Variants in TENM2 observed in about 807,000 individuals in gnomAD.
TENM2 encodes the protein teneurin-2.
Under a neutral mutation model 245.2 loss-of-function variants are expected in TENM2, and 52 were observed. That is an observed-to-expected ratio of 0.21 (90% CI 0.17 to 0.27). The LOEUF (loss-of-function observed/expected upper bound fraction) is 0.27, where lower values mean the gene tolerates loss of function less well. Among genes scored for constraint, TENM2 ranks in the 10% least tolerant of loss-of-function variants. TENM2 has a pLI of 1.00. For synonymous variants in TENM2, 1,363 were observed against 1,438.9 expected (o/e 0.95, Z 1.19); for missense variants, 3,046 against 3,666.8 (o/e 0.83, Z 4.37).
chr5:167,157,930 A>C, the TENM2 span, among the ~76,000 whole-genome samples: 2 of 152,214 alleles, frequency 1.3e-5, no homozygotes, highest in Non-Finnish European at 2.9e-5. Context: ...AATGAGAAAG[A>C]AGAGAAGAAT....
rs201837424 is a variant in TENM2 at position 168,218,262 on chromosome 5, A to C, written c.4371A>C (p.Gln1457His). Residue 1457 changes from glutamine to histidine, a missense_variant, in exon 23 of 29, where the codon CAA (glutamine) becomes CAC (histidine). By Grantham distance (24) the Gln-to-His change is conservative. Transcript: ENST00000518659. The surrounding 1 kb of genome is among the most constrained non-coding windows in gnomAD (Gnocchi z 5.2). ...TTGCGGGACGCCCCATGCACTGCCA[A>C]GTTCCTGGCATTGACTACTCACTCA... 5.6e-6 allele frequency: 9 copies of C among 1,613,466 alleles called. No individual in the cohort carries two copies. Among genetic ancestry groups the C allele is most frequent in the Non-Finnish European group, 6.8e-6 (8 of 1,179,862 alleles).
At chr5:167,193,285 T>C in the TENM2 span, among the ~76,000 whole-genome samples, 1 of 152,004 alleles carries the variant, frequency 6.6e-6, no homozygotes, top group South Asian at 2.1e-4. Flanking sequence ...ATTTTCAGCA[T>C]TGCACTCTTG....
chr5:167,792,946 C>G (rs978811840), intron 2 of TENM2, among the ~76,000 whole-genome samples: 2 of 152,070 alleles, frequency 1.3e-5, no homozygotes, highest in African/African-American at 4.8e-5. Context: ...TTCCTTCTGC[C>G]CATCCTGCCA....
intron 2 of TENM2, among the ~76,000 whole-genome samples, chr5:167,521,755 C>T (rs979860397): frequency 9.9e-5 from 15 of 152,086 alleles, no homozygotes; most frequent in African/African-American, 3.4e-4. Context: ...TGTGACTTGA[C>T]CACCTAAGGC....
chr5:167,349,510 A>G (rs2127836399), intron 1 of TENM2, among the ~76,000 whole-genome samples: 1 of 152,292 alleles, frequency 6.6e-6, no homozygotes, highest in South Asian at 2.1e-4. Flanking sequence ...AGATTACTCA[A>G]AAATTATTCT....
intron 2 of TENM2, among the ~76,000 whole-genome samples, chr5:167,851,397 A>G (rs1465595897): frequency 6.6e-6 from 1 of 152,238 alleles, no homozygotes; most frequent in Non-Finnish European, 1.5e-5. Flanking sequence ...CAAATTTATC[A>G]TAATCACCAA....
intron 5 of TENM2, among the ~76,000 whole-genome samples, chr5:168,001,325 G>A (rs1397668767): frequency 2.0e-5 from 3 of 152,238 alleles, no homozygotes; most frequent in Non-Finnish European, 2.9e-5. Context: ...AGAACTGACT[G>A]AGAGAAACTG....
intron 1 of TENM2, among the ~76,000 whole-genome samples, chr5:167,291,061 A>G (rs1441997617): frequency 6.6e-6 from 1 of 152,198 alleles, no homozygotes; most frequent in African/African-American, 2.4e-5. Flanking sequence ...CCATTTGGCA[A>G]CTATCTTCAT....
chr5:167,038,871 C>T, the TENM2 span, among the ~76,000 whole-genome samples: 3 of 152,078 alleles, frequency 2.0e-5, no homozygotes, highest in Non-Finnish European at 4.4e-5. Flanking sequence ...TGCTTTTTAT[C>T]TCTTGTAGTT....
intron 7 of TENM2, among the ~76,000 whole-genome samples, chr5:168,067,748 T>C (rs1790632963): frequency 6.6e-6 from 1 of 152,122 alleles, no homozygotes; most frequent in African/African-American, 2.4e-5. Flanking sequence ...CACTCTCTCT[T>C]TACCCTCTCA....
intron 1 of TENM2, among the ~76,000 whole-genome samples, chr5:167,305,260 GTCTGGA>G (rs945022035): frequency 1.3e-5 from 2 of 152,162 alleles, no homozygotes; most frequent in African/African-American, 4.8e-5. Flanking sequence ...CAGCTTTGCC[GTCTGGA>G]CACTGTGAGA....
chr5:167,816,012 T>G (rs1309219905), intron 2 of TENM2, among the ~76,000 whole-genome samples: 3 of 144,874 alleles, frequency 2.1e-5, no homozygotes, highest in Non-Finnish European at 4.6e-5. Context: ...GTGTGTGTGT[T>G]TCTCCTCTGA....
At chr5:167,505,513 T>A (rs1769483897) in intron 2 of TENM2, among the ~76,000 whole-genome samples, 1 of 152,066 alleles carries the variant, frequency 6.6e-6, no homozygotes, top group South Asian at 2.1e-4. Flanking sequence ...GAACTGTAGT[T>A]ATTATATGAA....
the TENM2 span, among the ~76,000 whole-genome samples, chr5:167,103,915 C>T: frequency 3.3e-5 from 5 of 152,032 alleles, no homozygotes; most frequent in African/African-American, 7.2e-5. Flanking sequence ...CACACACACA[C>T]TTCTTGGCTC....
At chr5:168,016,287 C>A (rs1309586476) in intron 5 of TENM2, among the ~76,000 whole-genome samples, 1 of 152,176 alleles carries the variant, frequency 6.6e-6, no homozygotes, top group Non-Finnish European at 1.5e-5. Context: ...GTGCACTGAA[C>A]CATAATGCTC....
At chr5:167,843,573 G>C (rs1241459164) in intron 2 of TENM2, among the ~76,000 whole-genome samples, 1 of 152,112 alleles carries the variant, frequency 6.6e-6, no homozygotes, top group Non-Finnish European at 1.5e-5. Flanking sequence ...TGGTGGGGGA[G>C]GGGGTACAAA....
At chr5:167,741,728 C>T (rs10064701) in intron 2 of TENM2, among the ~76,000 whole-genome samples, 19,586 of 152,152 alleles carry the variant, frequency 0.13, 1,597 homozygotes, top group African/African-American at 0.23. Flanking sequence ...CACCATCTTC[C>T]GCCTTTCTTC....
chr5:167,034,201 G>A, the TENM2 span, among the ~76,000 whole-genome samples: 1 of 152,172 alleles, frequency 6.6e-6, no homozygotes, highest in African/African-American at 2.4e-5. Flanking sequence ...GTACGGGCTT[G>A]AGGCATGATA....
intron 2 of TENM2, among the ~76,000 whole-genome samples, chr5:167,520,467 T>A (rs1214592521): frequency 6.6e-6 from 1 of 152,098 alleles, no homozygotes; most frequent in Non-Finnish European, 1.5e-5. Context: ...GTTCTTTCAG[T>A]ATGAGATGGG....
Sources: allele counts gnomAD v4.1 joint callset (sites outside exome capture counted in the v4.1 genomes callset), GRCh38; gene constraint gnomAD v4.1.1; non-coding constraint Gnocchi (gnomAD v3.1); transcripts MANE v1.5; gene names NCBI Gene and HGNC (gene_info 2026-07-23, HGNC 2026-07-21).